PGM3: variants seen among roughly 807,000 people sequenced by gnomAD.
PGM3 encodes the protein phosphoglucomutase 3.
Under a neutral mutation model 66.2 loss-of-function variants are expected in PGM3, and 40 were observed. That is an observed-to-expected ratio of 0.60 (90% CI 0.47 to 0.79). The LOEUF (loss-of-function observed/expected upper bound fraction) is 0.79. Among genes scored for constraint, PGM3 ranks in the 30% least tolerant of loss-of-function variants. The pLI, the probability that PGM3 is intolerant of heterozygous loss-of-function variation, is 0.00. For missense variants in PGM3, 537 were observed against 643.4 expected (o/e 0.83, Z 1.79); for synonymous variants, 191 against 224.2 (o/e 0.85, Z 1.32).
downstream of PGM3, among the ~76,000 whole-genome samples, chr6:83,159,421 G>T (rs1412518672): frequency 2.0e-5 from 3 of 151,248 alleles, no homozygotes; most frequent in Non-Finnish European, 4.4e-5. Flanking sequence ...CCACAGGTGT[G>T]TGCCACCATG....
intron 4 of PGM3, among the ~76,000 whole-genome samples, chr6:83,186,130 G>C (rs1306253249): frequency 6.6e-6 from 1 of 152,188 alleles, no homozygotes; most frequent in Non-Finnish European, 1.5e-5. Context: ...ATCGTATCAT[G>C]AGGTCCACAG....
chr6:83,181,260 T>C (rs560747772), intron 6 of PGM3, among the ~76,000 whole-genome samples: 1 of 152,328 alleles, frequency 6.6e-6, no homozygotes, highest in African/African-American at 2.4e-5. Flanking sequence ...AGATAAGGTA[T>C]CTAATAATAC....
At chr6:83,190,474 A>G (rs1401218635) in intron 2 of PGM3, 2 of 247,542 alleles carry the variant, frequency 8.1e-6, no homozygotes, top group Non-Finnish European at 1.5e-5. Context: ...TCCCCACCCA[A>G]CCCCAATATC....
chr6:83,157,342 G>A, downstream of PGM3: 6 of 1,608,160 alleles, frequency 3.7e-6, no homozygotes, highest in Non-Finnish European at 5.1e-6. Context: ...AATTCAGTCA[G>A]GTTATAAATC....
rs1230638188 is a variant in PGM3, at chr6:83,188,746, G to A, written c.257C>T (p.Ser86Phe). Reference protein sequence around the residue: ...VDPLGEMLAPSWEEHATCLAN... With the variant: ...VDPLGEMLAPFWEEHATCLAN... ...TAAACAGGTGGCATGTTCCTCCCAGGATGGTGCCAACATTTCACCCAAAGG... is the reference window on the plus strand; with the variant it reads ...TAAACAGGTGGCATGTTCCTCCCAGAATGGTGCCAACATTTCACCCAAAGG... The change falls in exon 3 of 13, where the codon TCC becomes TTC. Residue 86 changes from serine to phenylalanine, a missense_variant. Ser to Phe is a radical substitution (Grantham distance 155). Coordinates refer to ENST00000513973, the MANE Select transcript of PGM3 (RefSeq NM_015599.3). 6.2e-7 allele frequency: 1 copy of A among 1,614,034 alleles called. No individual in the cohort carries two copies. Among genetic ancestry groups the A allele is most frequent in the South Asian group, 1.1e-5 (1 of 91,066 alleles).
chr6:83,158,650 T>A, downstream of PGM3: 3 of 1,537,364 alleles, frequency 2.0e-6, no homozygotes, highest in Non-Finnish European at 1.8e-6. Context: ...TATATTGTTG[T>A]CCATTTTTTA....
Position 83,167,612 on chromosome 6 carries a change from G to C in PGM3, c.*1622C>G, listed in dbSNP as rs548530496. On this transcript the variant is annotated 3_prime_UTR_variant, in exon 13 of 13. Coordinates refer to ENST00000513973, the MANE Select transcript of PGM3 (RefSeq NM_015599.3). ...TCTATTCCTGTTCAAAGCTATTTCT[G>C]TTAACTAAGCTTATCTGCGCATTCT... The C allele has an allele frequency of 5.9e-6, 7 of 1,184,588 alleles. No individual in the cohort carries two copies. The highest frequency in any genetic ancestry group is 7.3e-6 in the Non-Finnish European group (7 of 958,500). The allele number at this position is 1,184,588 out of a possible 1,614,324, so 73.4% of individuals were successfully genotyped here.
At chr6:83,193,088 CG>C (rs1223594499) in intron 1 of PGM3, 90 bp downstream of exon 1, 1 of 152,302 alleles carries the variant, frequency 6.6e-6, no homozygotes, top group African/African-American at 2.4e-5. Context: ...GCCCCTCCGT[CG>C]GGCCGAGAAT....
downstream of PGM3, chr6:83,162,707 A>T: frequency 1.4e-6 from 2 of 1,437,800 alleles, no homozygotes; most frequent in South Asian, 3.3e-5. Context: ...TGGGGTCATG[A>T]TCTTTCTACT....
At chr6:83,151,766 C>G in the PGM3 span, 1 of 1,434,118 alleles carries the variant, frequency 7.0e-7, no homozygotes. Flanking sequence ...TCTGAACATT[C>G]TATGGGAATC....
At chr6:83,191,921 T>TG (rs1462093976) in intron 1 of PGM3, among the ~76,000 whole-genome samples, 2 of 130,070 alleles carry the variant, frequency 1.5e-5, no homozygotes, top group East Asian at 4.6e-4. Context: ...ATCGCGCCAC[T>TG]GCACTCCAGC....
Position 83,165,722 on chromosome 6 carries a change from AG to A in PGM3, c.*3511del. 4.4e-6 allele frequency: 1 copy of A among 227,002 alleles called. No individual in the cohort carries two copies. Among genetic ancestry groups the A allele is most frequent in the Non-Finnish European group, 9.4e-6 (1 of 106,216 alleles). The allele number at this position is 227,002 out of a possible 1,614,324, so 14.1% of individuals were successfully genotyped here. ...AGAGGTCAGGTGAATATGGCAGATG[AG>A]GCAAAACTTCATAGCCCAATTAGTT... is the stretch of plus-strand genomic sequence containing the variant. On this transcript the variant is annotated 3_prime_UTR_variant, in exon 13 of 13. Coordinates refer to ENST00000513973, the MANE Select transcript of PGM3 (RefSeq NM_015599.3).
the PGM3 span, chr6:83,152,434 AT>A: frequency 1.5e-6 from 1 of 659,064 alleles, no homozygotes; most frequent in Non-Finnish European, 2.4e-6. Context: ...TTAGCAAGTA[AT>A]TTTTATAGAG....
At chr6:83,162,802 C>T, downstream of PGM3, 1 of 1,611,834 alleles carries the variant, frequency 6.2e-7, no homozygotes, top group Non-Finnish European at 8.5e-7. Context: ...ACCGATGGGC[C>T]TTTATTCCAG....
intron 4 of PGM3, 104 bp downstream of exon 4, chr6:83,186,904 T>C (rs1038240817): frequency 1.0e-5 from 6 of 598,794 alleles, no homozygotes; most frequent in East Asian, 9.2e-5. Flanking sequence ...AAACATTTTT[T>C]GTTCATCTGT....
chr6:83,175,626 C>T (rs1787704759), intron 9 of PGM3, among the ~76,000 whole-genome samples: 1 of 152,140 alleles, frequency 6.6e-6, no homozygotes, highest in African/African-American at 2.4e-5. Flanking sequence ...CAACACTTTG[C>T]AATTCACCAT....
chr6:83,179,331 C>A (rs1788007369), intron 7 of PGM3, among the ~76,000 whole-genome samples: 1 of 149,836 alleles, frequency 6.7e-6, no homozygotes, highest in South Asian at 2.1e-4. Context: ...AAAAAAAAAT[C>A]TATTAAATTC....
chr6:83,186,881 G>T (rs1583290771), intron 4 of PGM3, 127 bp downstream of exon 4: 1 of 541,724 alleles, frequency 1.8e-6, no homozygotes, highest in East Asian at 3.2e-5. Context: ...TTGTATCTAG[G>T]AGTTCATTTT....
Position 83,191,003 on chromosome 6 carries a change from C to T in PGM3, c.10G>A (p.Gly4Ser), listed in dbSNP as rs776674189. 3 of 1,612,520 alleles carry T rather than the reference C, an allele frequency of 1.9e-6. No individual in the cohort carries two copies. The South Asian group carries it at 3.3e-5, about 18-fold the overall frequency. The change falls in exon 2 of 13, where the codon GGT becomes AGT. Residue 4 changes from glycine (G) to serine (S), a missense_variant. Transcript: ENST00000513973. Reference protein sequence around the residue: MDLGAITKYSALHA... With the variant: MDLSAITKYSALHA... Reference sequence around the variant, plus strand: ...AATGCTGAGTATTTTGTAATAGCACCTAAATCCATGTCTACAAAATTAAGA... The same window carrying T: ...AATGCTGAGTATTTTGTAATAGCACTTAAATCCATGTCTACAAAATTAAGA...
Sources: allele counts gnomAD v4.1 joint callset (sites outside exome capture counted in the v4.1 genomes callset), GRCh38; gene constraint gnomAD v4.1.1; transcripts MANE v1.5; gene names NCBI Gene and HGNC (gene_info 2026-07-23, HGNC 2026-07-21).